The following PEX2 variants were observed in gnomAD, a reference collection of about 807,000 sequenced individuals.
PEX2 encodes the protein peroxisomal biogenesis factor 2.
Under a neutral mutation model 25.2 loss-of-function variants are expected in PEX2, and 19 were observed. The ratio of observed to expected loss-of-function variants is 0.75; its 90% CI spans 0.53 to 1.10. The LOEUF is 1.10. Ranked by LOEUF, PEX2 falls within the 50% of genes least tolerant of loss-of-function variation. The pLI is 0.00. For synonymous variants in PEX2, 141 were observed against 127.7 expected (o/e 1.10, Z -0.70); for missense variants, 347 against 350.6 (o/e 0.99, Z 0.08).
chr8:76,995,260 G>T (rs1807290121), intron 1 of PEX2, among the ~76,000 whole-genome samples: 1 of 152,170 alleles, frequency 6.6e-6, no homozygotes, highest in Non-Finnish European at 1.5e-5. Flanking sequence ...TTTGGGTATA[G>T]CCAAGATATG....
At chr8:76,993,087 T>C (rs1807221488) in intron 1 of PEX2, among the ~76,000 whole-genome samples, 1 of 152,126 alleles carries the variant, frequency 6.6e-6, no homozygotes, top group Non-Finnish European at 1.5e-5. Context: ...ATCTGTTATC[T>C]GGAAGGAGAC....
intron 2 of PEX2, among the ~76,000 whole-genome samples, chr8:76,987,295 G>A (rs1807033360): frequency 6.6e-6 from 1 of 152,134 alleles, no homozygotes; most frequent in African/African-American, 2.4e-5. Flanking sequence ...TACTTCAGAA[G>A]GTCAGAGAAG....
rs1806881622 is a variant in PEX2, at chr8:76,983,016, T to C, written c.*245A>G. The C allele has an allele frequency of 9.2e-7, 1 of 1,082,510 alleles. No homozygotes were observed. Among genetic ancestry groups the C allele is most frequent in the South Asian group, 1.9e-5 (1 of 53,296 alleles). The allele number at this position is 1,082,510 out of a possible 1,614,324, so 67.1% of individuals were successfully genotyped here. A position where few individuals can be genotyped will look rare whatever the true frequency, so the allele number is the denominator to read the frequency against. Reference sequence around the variant, plus strand: ...GTTAGTAGTCACCTGACAAAAGCTGTCCATTATTCTTGACATTAAAAATTG... The same window carrying C: ...GTTAGTAGTCACCTGACAAAAGCTGCCCATTATTCTTGACATTAAAAATTG... On this transcript the variant is annotated 3_prime_UTR_variant, in exon 4 of 4. Coordinates refer to ENST00000357039, the MANE Select transcript of PEX2 (RefSeq NM_000318.3).
chr8:76,988,108 T>C (rs1190561462), intron 2 of PEX2, 199 bp downstream of exon 2: 1 of 151,988 alleles, frequency 6.6e-6, no homozygotes, highest in Non-Finnish European at 1.5e-5. Context: ...CAACTTTCTT[T>C]GTAACAACGT....
chr8:76,983,937 A>T lies in PEX2; in HGVS notation c.242T>A (p.Leu81Ter), dbSNP rs1304427414. 6.2e-7 allele frequency: 1 copy of T among 1,614,194 alleles called. No individual in the cohort carries two copies. Among genetic ancestry groups the T allele is most frequent in the East Asian group, 2.2e-5 (1 of 44,892 alleles). The change falls in exon 4 of 4, where the codon TTG becomes TAG. Residue 81 changes from leucine (L) to a stop codon, truncating the protein, a stop_gained. Coordinates refer to ENST00000357039, the MANE Select transcript of PEX2 (RefSeq NM_000318.3). LOFTEE classifies it high-confidence loss of function. ...AAAATCATTTTTGTACTTAATATTC[A>T]AAACTGACTGTCCCACTGTGGCATT... ...SKNATVGQSVLNIKYKNDFSP... is the reference protein window; with the variant it reads ...SKNATVGQSV
chr8:76,999,038 A>G (rs964258415), intron 1 of PEX2, among the ~76,000 whole-genome samples: 2 of 151,864 alleles, frequency 1.3e-5, no homozygotes, highest in Non-Finnish European at 2.9e-5. Flanking sequence ...TTCTGGCTCA[A>G]GATCACTCAA....
At chr8:76,989,053 T>A (rs1807086465) in intron 1 of PEX2, among the ~76,000 whole-genome samples, 1 of 150,242 alleles carries the variant, frequency 6.7e-6, no homozygotes, top group Admixed American at 6.6e-5. Flanking sequence ...GGCATGCACC[T>A]GTAGTCCTAG....
At chr8:76,985,852 A>T (rs969639415) in intron 3 of PEX2, among the ~76,000 whole-genome samples, 19 of 152,192 alleles carry the variant, frequency 1.2e-4, no homozygotes, top group Non-Finnish European at 2.6e-4. Flanking sequence ...GCTGGAGATA[A>T]AATGACCTTC....
rs1806826254 is a variant in PEX2, at chr8:76,981,487, A to C, written c.*1774T>G. ...CACCAAAAACAAACAAACAAACAAA[A>C]AACAAAGACGTTTGTATATATTTTT... On this transcript the variant is annotated 3_prime_UTR_variant, in exon 4 of 4. Transcript: ENST00000357039. The C allele has an allele frequency of 6.6e-6, 1 of 152,120 alleles. No homozygotes were observed. The highest frequency in any genetic ancestry group is 2.1e-4 in the South Asian group (1 of 4,828). The allele number at this position is 152,120 out of a possible 1,614,324, so 9.4% of individuals were successfully genotyped here.
At chr8:76,987,249 T>C (rs1276791235) in intron 2 of PEX2, among the ~76,000 whole-genome samples, 1 of 152,150 alleles carries the variant, frequency 6.6e-6, no homozygotes, top group Non-Finnish European at 1.5e-5. Flanking sequence ...ATCAGTGATA[T>C]GCAAGGGAAA....
At chr8:77,000,244 G>T (rs1273710276), upstream of PEX2, 2 of 304,034 alleles carry the variant, frequency 6.6e-6, no homozygotes, top group East Asian at 1.0e-4. Context: ...GAGCCGAAGG[G>T]CCGAAAAGCC....
rs538475706 is a variant in PEX2 at position 76,986,983 on chromosome 8, G to C, written c.-127-687C>G. ...GAATAAATGAATAGGATGAAAGTCT[G>C]GGATGTGTGAAGGATAGAAAATATC... On this transcript the variant is annotated intron_variant, in intron 2 of 3. Coordinates refer to ENST00000357039, the MANE Select transcript of PEX2 (RefSeq NM_000318.3). 2.6e-4 allele frequency among the ~76,000 whole-genome samples: 40 copies of C among 152,210 alleles called. 1 individual carries two copies. The South Asian group carries it at 5.4e-3, about 21-fold the overall frequency.
Position 76,983,244 on chromosome 8 carries a change from G to C in PEX2, c.*17C>G, listed in dbSNP as rs753871668. The C allele has an allele frequency of 1.2e-6, 2 of 1,609,108 alleles. No individual in the cohort carries two copies. Among genetic ancestry groups the C allele is most frequent in the Non-Finnish European group, 1.7e-6 (2 of 1,179,830 alleles). ...AACACGGTGCATTTTTTTCCTCAAAGGAAGCAATTTTAGTTTCTAAAGAGC... is the reference window on the plus strand; with the variant it reads ...AACACGGTGCATTTTTTTCCTCAAACGAAGCAATTTTAGTTTCTAAAGAGC... On this transcript the variant is annotated 3_prime_UTR_variant, in exon 4 of 4. Coordinates refer to ENST00000357039, the MANE Select transcript of PEX2 (RefSeq NM_000318.3).
chr8:76,998,954 T>C (rs994632295), intron 1 of PEX2, among the ~76,000 whole-genome samples: 6 of 139,618 alleles, frequency 4.3e-5, no homozygotes, highest in African/African-American at 1.5e-4. Context: ...TCCTGTTACT[T>C]CTATTTTTTT....
At chr8:76,990,587 C>A (rs1807140873) in intron 1 of PEX2, among the ~76,000 whole-genome samples, 1 of 152,062 alleles carries the variant, frequency 6.6e-6, no homozygotes, top group East Asian at 1.9e-4. Context: ...TCTTAATTGG[C>A]CTAATTTCAA....
rs1341812004 is a variant in PEX2, at chr8:76,982,355, G to A, written c.*906C>T. ...AATCAAAGGCAAGAGAAAGAGACCT[G>A]TAAATAGTGCTGTTCATACTAGTTG... On this transcript the variant is annotated 3_prime_UTR_variant, in exon 4 of 4. Transcript: ENST00000357039. 1 of 152,204 alleles carries A rather than the reference G, an allele frequency of 6.6e-6. No homozygotes were observed. The highest frequency in any genetic ancestry group is 6.5e-5 in the Admixed American group (1 of 15,278). The allele number at this position is 152,204 out of a possible 1,614,324, so 9.4% of individuals were successfully genotyped here. A position where few individuals can be genotyped will look rare whatever the true frequency, so the allele number is the denominator to read the frequency against.
At chr8:76,999,866 G>T in intron 1 of PEX2, 124 bp downstream of exon 1, 1 of 456,482 alleles carries the variant, frequency 2.2e-6, no homozygotes, top group South Asian at 1.5e-5. Context: ...CAGGGAGACA[G>T]GAAGCCAATA....
chr8:76,989,016 A>AAC (rs1438512055), intron 1 of PEX2, among the ~76,000 whole-genome samples: 1 of 150,836 alleles, frequency 6.6e-6, no homozygotes, highest in African/African-American at 2.4e-5. Flanking sequence ...CTAAAAAAAA[A>AAC]AAAAAAAAAA....
intron 1 of PEX2, among the ~76,000 whole-genome samples, chr8:76,997,848 C>T (rs924596066): frequency 1.3e-5 from 2 of 152,194 alleles, no homozygotes; most frequent in Non-Finnish European, 1.5e-5. Flanking sequence ...GACATCCCTT[C>T]TTTGCCTCCA....
Sources: allele counts gnomAD v4.1 joint callset (sites outside exome capture counted in the v4.1 genomes callset), GRCh38; gene constraint gnomAD v4.1.1; transcripts MANE v1.5; gene names NCBI Gene and HGNC (gene_info 2026-07-23, HGNC 2026-07-21).